BHMT: variants seen among roughly 807,000 people sequenced by gnomAD.
The protein encoded by BHMT is betaine--homocysteine S-methyltransferase.
In BHMT, 38 loss-of-function variants were observed where a neutral mutation model predicts 49.5. That is an observed-to-expected ratio of 0.77 (90% CI 0.59 to 1.01). BHMT has a LOEUF of 1.01. Among genes scored for constraint, BHMT ranks in the 50% least tolerant of loss-of-function variants. The probability of loss-of-function intolerance (pLI) is 0.00; values close to 1 mark genes in which losing one functional copy is unlikely to be tolerated. For missense variants in BHMT, 426 were observed against 495.7 expected, an observed-to-expected ratio of 0.86 and a Z score of 1.34; for synonymous variants, 166 against 176.3, an observed-to-expected ratio of 0.94 and a Z score of 0.46.
rs775808725 is a variant in BHMT, at chr5:79,131,076, T to C, written c.1181T>C (p.Leu394Pro). Residue 394 changes from leucine (L) to proline (P), a missense_variant, in exon 8 of 8, where the codon CTG (leucine) becomes CCG (proline). Transcript: ENST00000274353. The stretch of plus-strand genomic sequence containing the variant: ...AAAGAAGCCACAACTGAGCAGCAGC[T>C]GAAAGAGCTCTTTGAAAAACAAAAA... Reference protein sequence around the residue: ...QQKEATTEQQLKELFEKQKFK... With the variant: ...QQKEATTEQQPKELFEKQKFK... 5.0e-6 allele frequency: 8 copies of C among 1,613,496 alleles called. 1 individual carries two copies. In the South Asian group the frequency reaches 8.8e-5, roughly 18 times the overall value.
At chr5:79,128,045 TTA>T in intron 7 of BHMT, 62 bp downstream of exon 7, 1 of 1,527,940 alleles carries the variant, frequency 6.5e-7, no homozygotes, top group Non-Finnish European at 8.8e-7. Context: ...GTGAGGCCAT[TTA>T]GAAGACTGCA....
Position 79,127,900 on chromosome 5 carries a change from G to T in BHMT, c.954G>T (p.Arg318Ser). The T allele has an allele frequency of 1.9e-6, 3 of 1,614,076 alleles. No individual in the cohort carries two copies. The highest frequency in any genetic ancestry group is 2.5e-6 in the Non-Finnish European group (3 of 1,179,996). The change falls in exon 7 of 8, where the codon AGG becomes AGT. Residue 318 changes from arginine (R) to serine (S), a missense_variant. This residue lies in a region of BHMT where 32 missense variants were observed against 71.6 expected (regional missense o/e 0.45). Transcript: ENST00000274353. ...RAIAEELAPE[R>S]GFLPPASEKH... Reference sequence around the variant, plus strand: ...TTGCAGAGGAGCTGGCCCCAGAAAGGGGCTTTTTGCCACCAGCTTCAGAAA... The same window carrying T: ...TTGCAGAGGAGCTGGCCCCAGAAAGTGGCTTTTTGCCACCAGCTTCAGAAA...
chr5:79,128,210 A>C (rs1348804752), intron 7 of BHMT: 2 of 633,580 alleles, frequency 3.2e-6, no homozygotes, highest in African/African-American at 1.9e-5. Flanking sequence ...GAAAAAGAAA[A>C]ATTTTTTTAA....
Position 79,131,222 on chromosome 5 carries a change from C to A in BHMT, c.*106C>A. 9.5e-7 allele frequency: 1 copy of A among 1,055,826 alleles called. No individual in the cohort carries two copies. The highest frequency in any genetic ancestry group is 1.4e-6 in the Non-Finnish European group (1 of 732,236). The allele number at this position is 1,055,826 out of a possible 1,614,324, so 65.4% of individuals were successfully genotyped here. ...CAGTGCTTTCATGAATGCCATCCTA[C>A]ACATATTATTGCTATTACCTGAACA... On this transcript the variant is annotated 3_prime_UTR_variant, in exon 8 of 8. Transcript: ENST00000274353.
intron 3 of BHMT, chr5:79,119,597 A>T (rs1756437749): frequency 7.7e-6 from 3 of 388,298 alleles, no homozygotes; most frequent in Non-Finnish European, 9.2e-6. Context: ...GAGGTATTTA[A>T]TGATTAATGA....
At chr5:79,128,390 C>T (rs78063206) in intron 7 of BHMT, among the ~76,000 whole-genome samples, 123 of 149,962 alleles carry the variant, frequency 8.2e-4, no homozygotes, top group African/African-American at 2.9e-3. Context: ...ATTAGCTGGG[C>T]ATAGTGGTGC....
chr5:79,115,187 G>A (rs1476363515), intron 1 of BHMT, among the ~76,000 whole-genome samples: 1 of 152,024 alleles, frequency 6.6e-6, no homozygotes, highest in African/African-American at 2.4e-5. Flanking sequence ...TAATAGCATT[G>A]CTGGGCACTG....
At chr5:79,130,300 C>T (rs905132873) in intron 7 of BHMT, among the ~76,000 whole-genome samples, 16 of 152,174 alleles carry the variant, frequency 1.1e-4, no homozygotes, top group African/African-American at 3.9e-4. Context: ...TCAATGTGCA[C>T]TCATAACAGA....
In BHMT at chr5:79,126,056, C is replaced by T; in HGVS notation, c.636C>T (p.Ile212=). 2 of 1,601,186 alleles carry T rather than the reference C, an allele frequency of 1.2e-6. No individual in the cohort carries two copies. Among genetic ancestry groups the T allele is most frequent in the East Asian group, 2.3e-5 (1 of 44,408 alleles). ...AVRLVKAGAS[I]IGVNCHFDPT... is the part of the protein sequence containing the mutation. Reference sequence around the variant, plus strand: ...TCTTCCCACTCACAGGAGCATCCATCATTGGTGTGAACTGCCACTTTGACC... The same window carrying T: ...TCTTCCCACTCACAGGAGCATCCATTATTGGTGTGAACTGCCACTTTGACC... Residue 212 remains isoleucine (I), a synonymous_variant, in exon 6 of 8, where the codon ATC becomes ATT. Transcript: ENST00000274353.
intron 5 of BHMT, among the ~76,000 whole-genome samples, chr5:79,123,639 C>A (rs937709157): frequency 2.0e-5 from 3 of 152,092 alleles, no homozygotes; most frequent in African/African-American, 7.2e-5. Flanking sequence ...GTAACCTCCA[C>A]CTCCTGGGTT....
At chr5:79,128,706 T>G (rs1756592790) in intron 7 of BHMT, among the ~76,000 whole-genome samples, 1 of 152,096 alleles carries the variant, frequency 6.6e-6, no homozygotes, top group Non-Finnish European at 1.5e-5. Flanking sequence ...ATATCAAGCA[T>G]GATTTTCAGA....
chr5:79,125,134 T>TA (rs1243740622), intron 5 of BHMT, among the ~76,000 whole-genome samples: 1 of 152,254 alleles, frequency 6.6e-6, no homozygotes, highest in East Asian at 1.9e-4. Flanking sequence ...ATTTGAAGTT[T>TA]AAAAAAATTC....
rs768200589 is a variant in BHMT, at chr5:79,127,815, A to G, written c.869A>G (p.Asn290Ser). ...CAAAAATACGCCAGAGAGGCCTACA[A>G]CCTGGGGGTCAGGTACATTGGCGGG... ...DIQKYAREAYNLGVRYIGGCC... is the reference protein window; with the variant it reads ...DIQKYAREAYSLGVRYIGGCC... Residue 290 changes from asparagine (N) to serine (S), a missense_variant, in exon 7 of 8, where the codon AAC (asparagine) becomes AGC (serine). By Grantham distance (46) the Asn-to-Ser change is conservative. This residue lies in a region of BHMT where 321 missense variants were observed against 355.9 expected (regional missense o/e 0.90). Transcript: ENST00000274353. 4.3e-6 allele frequency: 7 copies of G among 1,614,014 alleles called. No homozygotes were observed. Among genetic ancestry groups the G allele is most frequent in the African/African-American group, 2.7e-5 (2 of 74,902 alleles).
intron 6 of BHMT, among the ~76,000 whole-genome samples, chr5:79,127,416 C>T (rs1182642396): frequency 6.6e-6 from 1 of 152,070 alleles, no homozygotes; most frequent in East Asian, 1.9e-4. Context: ...AAGTGCAAGG[C>T]AGAAACCATG....
chr5:79,119,176 TC>T, intron 2 of BHMT, 82 bp from the exon 3 acceptor site: 1 of 1,091,724 alleles, frequency 9.2e-7, no homozygotes, highest in Non-Finnish European at 1.3e-6. Context: ...GCAGTTGTTT[TC>T]CTGCTTGTTT....
At chr5:79,117,818 T>C (rs1017535568) in intron 2 of BHMT, among the ~76,000 whole-genome samples, 3 of 152,216 alleles carry the variant, frequency 2.0e-5, no homozygotes, top group African/African-American at 7.2e-5. Context: ...AGCATGCTGA[T>C]TTCTTACTTT....
At chr5:79,129,953 G>A (rs1580276253) in intron 7 of BHMT, among the ~76,000 whole-genome samples, 1 of 152,314 alleles carries the variant, frequency 6.6e-6, no homozygotes, top group African/African-American at 2.4e-5. Context: ...GAGCTCAGGA[G>A]TTTGAGACCA....
chr5:79,121,248 G>C lies in BHMT; in HGVS notation c.508G>C (p.Ala170Pro), dbSNP rs774887606. 2 of 1,614,056 alleles carry C rather than the reference G, an allele frequency of 1.2e-6. No individual in the cohort carries two copies. The highest frequency in any genetic ancestry group is 1.7e-6 in the Non-Finnish European group (2 of 1,180,016). ...TGAACACGTTGAAGAAGCTGTGTGG[G>C]CAGTTGAAACCTTGATAGCATCCGG... ...YFEHVEEAVW[A>P]VETLIASGKP... The change falls in exon 5 of 8, where the codon GCA becomes CCA. Residue 170 changes from alanine to proline, a missense_variant. Around this residue, in one of 3 missense-constraint regions of BHMT, gnomAD observed 321 missense variants for 355.9 expected, o/e 0.90. Transcript: ENST00000274353.
rs915884522 is a variant in BHMT, at chr5:79,121,382, A to T, written c.625+17A>T. 2 of 1,613,960 alleles carry T rather than the reference A, an allele frequency of 1.2e-6. No individual in the cohort carries two copies. The highest frequency in any genetic ancestry group is 1.7e-6 in the Non-Finnish European group (2 of 1,179,806). ...TGAAAGCAGGTGATGATAGATTTCA[A>T]TCAGTTTGTGATTAGTAAGTCTTAA... On this transcript the variant is annotated intron_variant, in intron 5 of 7. Transcript: ENST00000274353.
Sources: gnomAD v4.1 joint callset for allele counts (sites outside exome capture counted in the v4.1 genomes callset) on GRCh38, gnomAD v4.1.1 for gene constraint, gnomAD v4.1.1 regional missense constraint, MANE v1.5 for transcripts, NCBI Gene and HGNC (gene_info 2026-07-23, HGNC 2026-07-21) for gene names.